The following CALN1 variants were observed in gnomAD, a reference collection of about 807,000 sequenced individuals.
CALN1 encodes the protein calcium-binding protein 8.
A neutral mutation model predicts 30.6 loss-of-function variants in CALN1; 17 were observed. That is an observed-to-expected ratio of 0.56 (90% confidence interval 0.38 to 0.83). The LOEUF is 0.83. Among genes scored for constraint, CALN1 ranks in the 40% least tolerant of loss-of-function variants. The pLI is 0.00. For missense variants in CALN1, 291 were observed against 354.9 expected, an observed-to-expected ratio of 0.82 and a Z score of 1.45; for synonymous variants, 156 against 131.4, an observed-to-expected ratio of 1.19 and a Z score of -1.28.
chr7:72,278,206 C>G (rs1482467017), intron 3 of CALN1, among the ~76,000 whole-genome samples: 1 of 152,080 alleles, frequency 6.6e-6, no homozygotes, highest in Non-Finnish European at 1.5e-5. Context: ...TCCACTGTCA[C>G]CTAGACAAAG....
chr7:72,219,193 G>A (rs1008609281), intron 3 of CALN1, among the ~76,000 whole-genome samples: 1 of 152,148 alleles, frequency 6.6e-6, no homozygotes, highest in Non-Finnish European at 1.5e-5. Flanking sequence ...CCTAGTGACA[G>A]CCAGCTGTAA....
chr7:72,377,417 G>A (rs1429943863), intron 2 of CALN1, among the ~76,000 whole-genome samples: 1 of 148,786 alleles, frequency 6.7e-6, no homozygotes, highest in Non-Finnish European at 1.5e-5. Flanking sequence ...TACTCTTTGG[G>A]TAATATGGGC....
upstream of CALN1, among the ~76,000 whole-genome samples, chr7:72,449,393 C>T (rs1480060244): frequency 1.3e-5 from 2 of 152,318 alleles, no homozygotes; most frequent in African/African-American, 4.8e-5. Context: ...CTAGCCACTT[C>T]TCTAAGAAAT....
At chr7:72,272,319 T>C (rs1329604177) in intron 3 of CALN1, among the ~76,000 whole-genome samples, 1 of 152,074 alleles carries the variant, frequency 6.6e-6, no homozygotes, top group East Asian at 1.9e-4. Context: ...TTCAGCACTT[T>C]GGGAGGTCGA....
chr7:72,055,739 G>T (rs1803211338), intron 4 of CALN1, among the ~76,000 whole-genome samples: 1 of 152,198 alleles, frequency 6.6e-6, no homozygotes, highest in African/African-American at 2.4e-5. Context: ...GCACCAAGCT[G>T]AGTGGCTCAC....
At chr7:72,194,480 G>A (rs1454779560) in intron 3 of CALN1, among the ~76,000 whole-genome samples, 2 of 152,004 alleles carry the variant, frequency 1.3e-5, no homozygotes, top group Non-Finnish European at 2.9e-5. Flanking sequence ...CAGTGAGCCA[G>A]GATTTCACCA....
chr7:71,940,362 G>A (rs558236628), intron 5 of CALN1, among the ~76,000 whole-genome samples: 35 of 152,274 alleles, frequency 2.3e-4, no homozygotes, highest in African/African-American at 8.2e-4. Context: ...CTCCAATCCT[G>A]TAGACTCATC....
rs150115842 is a variant in CALN1 at position 71,833,961 on chromosome 7, C to T, written c.502-23469G>A. Among the ~76,000 whole-genome samples, 337 of 152,114 alleles carry T rather than the reference C, an allele frequency of 2.2e-3. 2 individuals are homozygous for T. Among genetic ancestry groups the T allele is most frequent in the African/African-American group, 7.6e-3 (314 of 41,506 alleles). ...TAAATTGGCCCGGCGCAGTGGCTCACGCCTGTAATCCCAACACTTTGGGAG... is the reference window on the plus strand; with the variant it reads ...TAAATTGGCCCGGCGCAGTGGCTCATGCCTGTAATCCCAACACTTTGGGAG... On this transcript the variant is annotated intron_variant, in intron 5 of 6. Coordinates refer to ENST00000395275, the MANE Select transcript of CALN1 (RefSeq NM_031468.4).
At chr7:72,116,094 A>C (rs1807967106) in intron 3 of CALN1, among the ~76,000 whole-genome samples, 2 of 151,856 alleles carry the variant, frequency 1.3e-5, no homozygotes, top group African/African-American at 2.4e-5. Flanking sequence ...AGGGATTGTG[A>C]CTCCTTAGGT....
rs73364936 is a variant in CALN1 at position 72,384,335 on chromosome 7, G to A, written c.119+18916C>T. Among the ~76,000 whole-genome samples, 972 of 152,288 alleles carry A rather than the reference G, an allele frequency of 6.4e-3. 10 individuals are homozygous for A. Among genetic ancestry groups the A allele is most frequent in the African/African-American group, 0.021 (856 of 41,568 alleles). On this transcript the variant is annotated intron_variant, in intron 2 of 6. Transcript: ENST00000395275. ...GAGGAACACAGAGAGAATAAAAAAC[G>A]TATGTTGATTTCAACAAATGCTGCT...
At chr7:72,264,117 G>C (rs1358168888) in intron 3 of CALN1, among the ~76,000 whole-genome samples, 1 of 152,164 alleles carries the variant, frequency 6.6e-6, no homozygotes, top group Non-Finnish European at 1.5e-5. Context: ...ATGACCTTCT[G>C]AGAAGTCAGG....
At chr7:72,118,080 C>A (rs749601428) in intron 3 of CALN1, among the ~76,000 whole-genome samples, 1 of 152,032 alleles carries the variant, frequency 6.6e-6, no homozygotes, top group Non-Finnish European at 1.5e-5. Context: ...ATAGGATGAA[C>A]CTACTATGCA....
At chr7:71,861,490 T>C (rs776784879) in intron 5 of CALN1, among the ~76,000 whole-genome samples, 14 of 152,028 alleles carry the variant, frequency 9.2e-5, no homozygotes, top group Non-Finnish European at 2.1e-4. Context: ...AAGAGTAATG[T>C]CCAGGCAAGA....
rs568363432 is a variant in CALN1 at position 71,889,772 on chromosome 7, T to C, written c.502-79280A>G. On this transcript the variant is annotated intron_variant, in intron 5 of 6. Transcript: ENST00000395275. ...GAGTTCAAGACCAGCCTGGCCAACATGGCGAAACCCTGTCTCTACTAAAAA... is the reference window on the plus strand; with the variant it reads ...GAGTTCAAGACCAGCCTGGCCAACACGGCGAAACCCTGTCTCTACTAAAAA... Among the ~76,000 whole-genome samples, 5 of 152,260 alleles carry C rather than the reference T, an allele frequency of 3.3e-5. No individual in the cohort carries two copies. In the East Asian group the frequency reaches 7.7e-4, roughly 24 times the overall value.
At chr7:72,261,847 G>A (rs879530201) in intron 3 of CALN1, among the ~76,000 whole-genome samples, 9 of 152,134 alleles carry the variant, frequency 5.9e-5, no homozygotes, top group Non-Finnish European at 1.0e-4. Context: ...GAGTTTGGAA[G>A]CACCACTGAA....
intron 3 of CALN1, among the ~76,000 whole-genome samples, chr7:72,247,223 C>CTTTT (rs1795235414): frequency 4.6e-5 from 2 of 43,490 alleles, no homozygotes; most frequent in Non-Finnish European, 6.0e-5. Context: ...AGACCATTTT[C>CTTTT]TTTCTTTTTT....
intron 2 of CALN1, among the ~76,000 whole-genome samples, chr7:72,358,531 G>A (rs1448255015): frequency 6.6e-6 from 1 of 152,164 alleles, no homozygotes; most frequent in Non-Finnish European, 1.5e-5. Flanking sequence ...AATTCTGGGT[G>A]CAACATACCA....
intron 2 of CALN1, among the ~76,000 whole-genome samples, chr7:72,300,642 A>G (rs1017620950): frequency 1.3e-5 from 2 of 152,204 alleles, no homozygotes; most frequent in African/African-American, 4.8e-5. Context: ...AGGGAACAAA[A>G]TAGAATAAGT....
At chr7:72,344,127 G>C (rs1802507570) in intron 2 of CALN1, among the ~76,000 whole-genome samples, 1 of 152,010 alleles carries the variant, frequency 6.6e-6, no homozygotes, top group African/African-American at 2.4e-5. Context: ...AAGGAAGAGA[G>C]AGACAGGGAG....
Sources: gnomAD v4.1 joint callset for allele counts (sites outside exome capture counted in the v4.1 genomes callset) on GRCh38, gnomAD v4.1.1 for gene constraint, MANE v1.5 for transcripts, NCBI Gene and HGNC (gene_info 2026-07-23, HGNC 2026-07-21) for gene names.